The following TENM3 variants were observed in gnomAD, a reference collection of about 807,000 sequenced individuals.
The protein encoded by TENM3 is teneurin-3.
Under a neutral mutation model 255.1 loss-of-function variants are expected in TENM3, and 63 were observed. The observed-to-expected ratio is 0.25, with a 90% CI of 0.20 to 0.30. The LOEUF is 0.30. Ranked by LOEUF, TENM3 falls within the 10% of genes least tolerant of loss-of-function variation. The probability of loss-of-function intolerance (pLI) is 1.00; values close to 1 mark genes in which losing one functional copy is unlikely to be tolerated. For missense variants in TENM3, 2,929 were observed against 3,461.1 expected, an observed-to-expected ratio of 0.85 and a Z score of 3.86; for synonymous variants, 1,306 against 1,322.3, an observed-to-expected ratio of 0.99 and a Z score of 0.27.
chr4:182,326,098 G>A (rs977222610), intron 2 of TENM3, among the ~76,000 whole-genome samples: 7 of 152,234 alleles, frequency 4.6e-5, no homozygotes, highest in Admixed American at 1.3e-4. Flanking sequence ...AAGAGAAAGG[G>A]CGCCAGGCGG....
At chr4:181,823,554 A>G in the TENM3 span, among the ~76,000 whole-genome samples, 2 of 152,180 alleles carry the variant, frequency 1.3e-5, no homozygotes, top group African/African-American at 2.4e-5. Flanking sequence ...ATAGTCACTT[A>G]GATCTCTGTT....
intron 1 of TENM3, among the ~76,000 whole-genome samples, chr4:182,300,347 G>A (rs1561296611): frequency 6.6e-6 from 1 of 152,166 alleles, no homozygotes; most frequent in Non-Finnish European, 1.5e-5. Flanking sequence ...CATGACAATT[G>A]GTCTCTCAGG....
chr4:181,462,350 C>T, the TENM3 span, among the ~76,000 whole-genome samples: 1 of 152,172 alleles, frequency 6.6e-6, no homozygotes, highest in African/African-American at 2.4e-5. Context: ...GCATGTCAGG[C>T]TGCCTTGGTC....
At chr4:182,195,707 C>T (rs918598573) in intron 1 of TENM3, among the ~76,000 whole-genome samples, 1 of 152,092 alleles carries the variant, frequency 6.6e-6, no homozygotes. Context: ...GTATTAATTA[C>T]TAGTCATAAC....
At chr4:181,455,145 A>C in the TENM3 span, among the ~76,000 whole-genome samples, 1 of 152,132 alleles carries the variant, frequency 6.6e-6, no homozygotes, top group Non-Finnish European at 1.5e-5. Flanking sequence ...AACTTATGAT[A>C]GGTTACTAAA....
chr4:181,687,500 G>C, the TENM3 span, among the ~76,000 whole-genome samples: 34 of 152,190 alleles, frequency 2.2e-4, no homozygotes. Context: ...CAAACTTTGA[G>C]AATTCCTTTG....
chr4:181,679,378 G>C, the TENM3 span, among the ~76,000 whole-genome samples: 1 of 131,852 alleles, frequency 7.6e-6, no homozygotes, highest in Non-Finnish European at 1.6e-5. Context: ...ATTTAATTTG[G>C]CTTAAGTTTT....
the TENM3 span, among the ~76,000 whole-genome samples, chr4:181,605,550 GAAAGAAAGAAAGAAAGAA>G: frequency 0.02 from 564 of 28,560 alleles, 73 homozygotes; most frequent in Admixed American, 0.036. Flanking sequence ...AAGAAAGAAA[GAAAGAAAGAAAGAAAGAA>G]AGAGAGAGAA....
intron 24 of TENM3, among the ~76,000 whole-genome samples, chr4:182,778,429 C>T (rs967164575): frequency 7.2e-5 from 11 of 152,136 alleles, no homozygotes; most frequent in South Asian, 6.2e-4. Context: ...TAGCGTGGGA[C>T]GGCACAATGC....
chr4:182,681,917 C>T lies in TENM3; in HGVS notation c.1938C>T (p.Thr646=). 1 of 1,613,930 alleles carries T rather than the reference C, an allele frequency of 6.2e-7. No individual in the cohort carries two copies. The highest frequency in any genetic ancestry group is 1.1e-5 in the South Asian group (1 of 91,082). ...GTAGCAATTGTGAAATACTGAAGAC[C>T]ATGTGTCCAGACCAGTGCTCCGGCC... ...WGGSNCEILK[T]MCPDQCSGHG... is the part of the protein sequence containing the mutation. The change falls in exon 11 of 28, where the codon ACC becomes ACT. Residue 646 remains threonine (T), a synonymous_variant. Transcript: ENST00000511685.
intron 1 of TENM3, among the ~76,000 whole-genome samples, chr4:182,214,520 T>TTATTG (rs1450029121): frequency 2.7e-5 from 4 of 146,738 alleles, no homozygotes; most frequent in African/African-American, 7.4e-5. Flanking sequence ...TTGTATTTAT[T>TTATTG]TATTTATTTA....
At chr4:181,573,225 C>CTACT in the TENM3 span, among the ~76,000 whole-genome samples, 4 of 152,094 alleles carry the variant, frequency 2.6e-5, no homozygotes, top group Non-Finnish European at 5.9e-5. Flanking sequence ...ATCTCTTGAT[C>CTACT]TACTGATTTC....
At chr4:182,419,923 C>T (rs1490891202) in intron 3 of TENM3, among the ~76,000 whole-genome samples, 7 of 151,590 alleles carry the variant, frequency 4.6e-5, no homozygotes, top group Non-Finnish European at 1.0e-4. Flanking sequence ...ATGTAAATGA[C>T]GAGTTAACAG....
chr4:182,781,139 G>T (rs1370961463), intron 24 of TENM3, among the ~76,000 whole-genome samples: 15 of 152,040 alleles, frequency 9.9e-5, no homozygotes, highest in African/African-American at 3.4e-4. Context: ...TGTGCCAGTT[G>T]TCAAAGGGAA....
At chr4:182,784,406 C>G (rs903334901) in intron 24 of TENM3, among the ~76,000 whole-genome samples, 2 of 151,780 alleles carry the variant, frequency 1.3e-5, no homozygotes, top group African/African-American at 4.8e-5. Flanking sequence ...AGGCACTCTG[C>G]CAGTTTTCAG....
the TENM3 span, among the ~76,000 whole-genome samples, chr4:182,050,257 T>C: frequency 6.6e-6 from 1 of 152,050 alleles, no homozygotes; most frequent in Non-Finnish European, 1.5e-5. Context: ...CCTCCCAAAG[T>C]ATTGGGATTA....
chr4:182,396,733 G>A (rs1430775864), intron 3 of TENM3, among the ~76,000 whole-genome samples: 4 of 152,130 alleles, frequency 2.6e-5, no homozygotes, highest in South Asian at 2.1e-4. Flanking sequence ...AGGCTGAGGC[G>A]GGTGGATCGC....
At chr4:181,837,472 CA>C in the TENM3 span, among the ~76,000 whole-genome samples, 1 of 151,944 alleles carries the variant, frequency 6.6e-6, no homozygotes. Flanking sequence ...TGTTGAATTA[CA>C]TTCGATTTTC....
chr4:182,678,992 A>G (rs920554365), intron 7 of TENM3, among the ~76,000 whole-genome samples: 12 of 152,198 alleles, frequency 7.9e-5, no homozygotes, highest in African/African-American at 2.7e-4. Flanking sequence ...GTTCTCACTC[A>G]TAAGTGGGAG....
Sources: gnomAD v4.1 joint callset for allele counts (sites outside exome capture counted in the v4.1 genomes callset) on GRCh38, gnomAD v4.1.1 for gene constraint, MANE v1.5 for transcripts, NCBI Gene and HGNC (gene_info 2026-07-23, HGNC 2026-07-21) for gene names.